The following DOCK2 variants were observed in gnomAD, a reference collection of about 807,000 sequenced individuals.
The protein encoded by DOCK2 is dedicator of cytokinesis 2, also known as dedicator of cytokinesis protein 2.
Under a neutral mutation model 248.9 loss-of-function variants are expected in DOCK2, and 87 were observed. The ratio of observed to expected loss-of-function variants is 0.35; its 90% CI spans 0.29 to 0.42. The LOEUF (loss-of-function observed/expected upper bound fraction) is 0.42, where lower values mean the gene tolerates loss of function less well. Ranked by LOEUF, DOCK2 falls within the 10% of genes least tolerant of loss-of-function variation. The pLI is 1.00. For synonymous variants in DOCK2, 805 were observed against 821.6 expected, an observed-to-expected ratio of 0.98 and a Z score of 0.35; for missense variants, 1,747 against 2,300.2, an observed-to-expected ratio of 0.76 and a Z score of 4.92.
At chr5:170,026,760 G>C (rs977604293) in intron 33 of DOCK2, among the ~76,000 whole-genome samples, 21 of 152,164 alleles carry the variant, frequency 1.4e-4, no homozygotes, top group African/African-American at 5.1e-4. Context: ...AGCATTCTGT[G>C]GCTTCAATGC....
At chr5:170,038,622 G>A (rs180715390) in intron 36 of DOCK2, among the ~76,000 whole-genome samples, 162 of 152,248 alleles carry the variant, frequency 1.1e-3, no homozygotes, top group Non-Finnish European at 1.9e-3. Context: ...CTGTCATCAC[G>A]ACATCATCTC....
intron 27 of DOCK2, among the ~76,000 whole-genome samples, chr5:169,922,447 C>G (rs541090451): frequency 2.6e-3 from 401 of 152,314 alleles, no homozygotes; most frequent in South Asian, 7.9e-3. Context: ...CAGTTTAGAG[C>G]TTTCTGAACT....
At chr5:169,687,767 G>A (rs373378346) in intron 8 of DOCK2, among the ~76,000 whole-genome samples, 7 of 152,088 alleles carry the variant, frequency 4.6e-5, no homozygotes, top group East Asian at 1.9e-4. Context: ...GCAAAGGATC[G>A]TACGTTAGAA....
At chr5:169,891,181 C>G (rs1773258019) in intron 27 of DOCK2, among the ~76,000 whole-genome samples, 2 of 152,060 alleles carry the variant, frequency 1.3e-5, no homozygotes, top group South Asian at 4.2e-4. Flanking sequence ...TCTGCTATTC[C>G]TTTTGTTAGG....
chr5:169,861,049 C>T (rs1771167536), intron 27 of DOCK2, among the ~76,000 whole-genome samples: 1 of 152,120 alleles, frequency 6.6e-6, no homozygotes, highest in Non-Finnish European at 1.5e-5. Context: ...ACAAATCATG[C>T]CTGTACATCC....
chr5:169,864,681 G>C (rs145189270), intron 27 of DOCK2, among the ~76,000 whole-genome samples: 102 of 152,280 alleles, frequency 6.7e-4, no homozygotes, highest in African/African-American at 2.4e-3. Flanking sequence ...TCCTCACAGG[G>C]ATGTTATTAA....
chr5:169,871,280 A>G (rs71605735), intron 27 of DOCK2, among the ~76,000 whole-genome samples: 119 of 152,350 alleles, frequency 7.8e-4, no homozygotes, highest in Non-Finnish European at 1.4e-3. Context: ...TGTTTTAGCC[A>G]TGGACCTAAC....
intron 21 of DOCK2, 111 bp downstream of exon 21, chr5:169,717,595 T>C (rs866956733): frequency 2.2e-6 from 2 of 929,958 alleles, no homozygotes. Flanking sequence ...CTGTGTGAGC[T>C]CTCCATTCTC....
At chr5:169,884,248 G>A (rs1008982647) in intron 27 of DOCK2, 14 of 183,076 alleles carry the variant, frequency 7.6e-5, no homozygotes, top group Non-Finnish European at 1.2e-4. Flanking sequence ...GATCTTGGAA[G>A]AAGCTGGCTG....
chr5:170,067,833 T>TA, intron 45 of DOCK2, 147 bp downstream of exon 45: 1 of 819,982 alleles, frequency 1.2e-6, no homozygotes, highest in Non-Finnish European at 1.9e-6. Context: ...TTGGCCCTCA[T>TA]GTTTCTATAG....
chr5:169,870,320 A>G (rs1771873167), intron 27 of DOCK2, among the ~76,000 whole-genome samples: 1 of 152,170 alleles, frequency 6.6e-6, no homozygotes, highest in Non-Finnish European at 1.5e-5. Context: ...ATGTTTTTCT[A>G]GGTAATTGGA....
Position 169,673,416 on chromosome 5 carries a change from T to C in DOCK2, c.322-881T>C, listed in dbSNP as rs1434076411. Among the ~76,000 whole-genome samples the C allele has an allele frequency of 4.6e-5, 7 of 152,152 alleles. 1 individual carries two copies. In the South Asian group the frequency reaches 1.4e-3, roughly 32 times the overall value. On this transcript the variant is annotated intron_variant, in intron 5 of 51. Transcript: ENST00000520908. Reference sequence around the variant, plus strand: ...ATATATATTTTTTTGTTGTTGTTTTTTTAATTATACCACCCACACTTTCCC... The same window carrying C: ...ATATATATTTTTTTGTTGTTGTTTTCTTAATTATACCACCCACACTTTCCC...
chr5:169,844,117 G>A (rs1770161881), intron 27 of DOCK2, among the ~76,000 whole-genome samples: 1 of 152,196 alleles, frequency 6.6e-6, no homozygotes, highest in African/African-American at 2.4e-5. Context: ...AACTTTAGAA[G>A]AAACTGCCAA....
In DOCK2 at chr5:170,057,705, C is replaced by T. The variant is rs369819778; in HGVS notation, c.4467+39C>T. Reference sequence around the variant, plus strand: ...ATTCGTGGCAGGGCCACCCTTCCTCCGATGGGCAGGGCACAGCCAGTCTCC... The same window carrying T: ...ATTCGTGGCAGGGCCACCCTTCCTCTGATGGGCAGGGCACAGCCAGTCTCC... On this transcript the variant is annotated intron_variant, in intron 44 of 51. Transcript: ENST00000520908. 6.8e-5 allele frequency: 106 copies of T among 1,548,148 alleles called. No homozygotes were observed. The African/African-American group carries it at 1.1e-3, about 16-fold the overall frequency.
intron 26 of DOCK2, among the ~76,000 whole-genome samples, chr5:169,822,851 A>G (rs964814299): frequency 6.6e-6 from 1 of 152,210 alleles, no homozygotes; most frequent in Non-Finnish European, 1.5e-5. Flanking sequence ...TGAAAAGATC[A>G]ACAAAATTGA....
At chr5:169,874,736 A>C (rs889675870) in intron 27 of DOCK2, among the ~76,000 whole-genome samples, 2 of 152,114 alleles carry the variant, frequency 1.3e-5, no homozygotes, top group Non-Finnish European at 2.9e-5. Flanking sequence ...GTCAGCCTGG[A>C]TTGCCAATCA....
chr5:169,830,578 G>T (rs1424100773), intron 26 of DOCK2, among the ~76,000 whole-genome samples: 1 of 152,146 alleles, frequency 6.6e-6, no homozygotes, highest in Non-Finnish European at 1.5e-5. Context: ...TCTCCAACCA[G>T]CCTTTATTCA....
At chr5:169,982,549 GA>G (rs1409717253) in intron 27 of DOCK2, among the ~76,000 whole-genome samples, 2 of 152,162 alleles carry the variant, frequency 1.3e-5, no homozygotes, top group African/African-American at 4.8e-5. Context: ...CAAAGAGCAA[GA>G]GCCATCTCTT....
At chr5:169,770,420 G>A (rs1765021533) in intron 25 of DOCK2, among the ~76,000 whole-genome samples, 1 of 149,528 alleles carries the variant, frequency 6.7e-6, no homozygotes, top group Non-Finnish European at 1.5e-5. Context: ...TTCAGCTTCT[G>A]AGTAGTTAGG....
Sources: allele counts gnomAD v4.1 joint callset (sites outside exome capture counted in the v4.1 genomes callset), GRCh38; gene constraint gnomAD v4.1.1; transcripts MANE v1.5; gene names NCBI Gene and HGNC (gene_info 2026-07-23, HGNC 2026-07-21).